Variants in ZNF248 observed in about 807,000 individuals in gnomAD.
The protein encoded by ZNF248 is KRAB protein domain.
A neutral mutation model predicts 44.3 loss-of-function variants in ZNF248; 20 were observed. That is an observed-to-expected ratio of 0.45 (90% CI 0.32 to 0.66). The LOEUF is 0.66. ZNF248 is among the 30% of genes least tolerant of loss of function. The pLI is 0.04. For synonymous variants in ZNF248, 224 were observed against 229.0 expected (o/e 0.98, Z 0.20); for missense variants, 654 against 677.0 (o/e 0.97, Z 0.38).
At chr10:37,778,699 A>C (rs1374893406) in intron 6 of ZNF248, among the ~76,000 whole-genome samples, 1 of 152,086 alleles carries the variant, frequency 6.6e-6, no homozygotes, top group Non-Finnish European at 1.5e-5. Context: ...ATTGAATTGA[A>C]ACCCTTCAAA....
rs2054904001 is a variant in ZNF248 at position 37,829,023 on chromosome 10, T to C, written c.*2592A>G. 1 of 985,348 alleles carries C rather than the reference T, an allele frequency of 1.0e-6. No individual in the cohort carries two copies. The highest frequency in any genetic ancestry group is 1.7e-5 in the African/African-American group (1 of 57,246). 61.0% of individuals were successfully genotyped at this position (985,348 alleles called of 1,614,324 possible). ...ACACTGAGCCTTCTACATAGGAATT[T>C]ACAGAAATGAATAACACTGTGCTGC... On this transcript the variant is annotated 3_prime_UTR_variant, in exon 6 of 6. Transcript: ENST00000395867.
Position 37,799,986 on chromosome 10 carries a change from T to C in ZNF248, c.331-23411A>G, listed in dbSNP as rs186347438. Among the ~76,000 whole-genome samples, 416 of 152,126 alleles carry C rather than the reference T, an allele frequency of 2.7e-3. 1 individual carries two copies. The highest frequency in any genetic ancestry group is 3.6e-3 in the Non-Finnish European group (248 of 67,996). ...ACTTTGGGAGGCTGAGGTAGGAGGA[T>C]TGCTTGAGCCCAAGAGTTCAAGACA... On this transcript the variant is annotated intron_variant, in intron 6 of 6. Coordinates refer to the ZNF248 transcript ENST00000615949.
At chr10:37,848,497 C>A (rs943690831) in intron 3 of ZNF248, among the ~76,000 whole-genome samples, 1 of 151,494 alleles carries the variant, frequency 6.6e-6, no homozygotes, top group Non-Finnish European at 1.5e-5. Context: ...GCAGGAGAAT[C>A]GCTTGAACCC....
intron 6 of ZNF248, chr10:37,819,801 G>A (rs1051565974): frequency 2.6e-6 from 2 of 784,000 alleles, no homozygotes; most frequent in African/African-American, 1.7e-5. Context: ...GGAGGGTCCT[G>A]ACCCATGGCA....
intron 6 of ZNF248, among the ~76,000 whole-genome samples, chr10:37,792,408 C>T (rs564530408): frequency 6.6e-6 from 1 of 152,168 alleles, no homozygotes; most frequent in Admixed American, 6.5e-5. Flanking sequence ...AAAGAACAAA[C>T]CTTCCTTTTG....
At chr10:37,789,267 TGTTAA>T (rs2048238591) in intron 6 of ZNF248, among the ~76,000 whole-genome samples, 1 of 151,058 alleles carries the variant, frequency 6.6e-6, no homozygotes, top group Non-Finnish European at 1.5e-5. Context: ...AGTGGATGAA[TGTTAA>T]GTTACATAAA....
intron 6 of ZNF248, among the ~76,000 whole-genome samples, chr10:37,807,055 C>T (rs2050679358): frequency 6.6e-6 from 1 of 151,912 alleles, no homozygotes; most frequent in South Asian, 2.1e-4. Flanking sequence ...CCGGTCTCTG[C>T]TCACTGCAAA....
chr10:37,799,377 A>G (rs189630975), intron 6 of ZNF248, among the ~76,000 whole-genome samples: 1 of 152,248 alleles, frequency 6.6e-6, no homozygotes, highest in East Asian at 1.9e-4. Flanking sequence ...TGGCCAACAC[A>G]GTGATACCCC....
intron 6 of ZNF248, among the ~76,000 whole-genome samples, chr10:37,800,614 T>C (rs767463004): frequency 6.6e-5 from 10 of 152,238 alleles, no homozygotes; most frequent in Admixed American, 1.3e-4. Context: ...GAATGACTTA[T>C]ATTCCTTTGG....
chr10:37,778,633 G>A (rs574211158), intron 6 of ZNF248, among the ~76,000 whole-genome samples: 15 of 152,082 alleles, frequency 9.9e-5, no homozygotes, highest in Admixed American at 4.6e-4. Flanking sequence ...GTAAAGCCTA[G>A]GTTTTCTTCT....
intron 6 of ZNF248, among the ~76,000 whole-genome samples, chr10:37,798,185 T>C (rs1397929439): frequency 6.6e-6 from 1 of 152,140 alleles, no homozygotes; most frequent in Non-Finnish European, 1.5e-5. Context: ...TTGAAAATAT[T>C]ATGCTAAGTG....
At chr10:37,780,044 T>A (rs1377419507) in intron 6 of ZNF248, among the ~76,000 whole-genome samples, 1 of 150,152 alleles carries the variant, frequency 6.7e-6, no homozygotes, top group Non-Finnish European at 1.5e-5. Context: ...GAACATTCCA[T>A]GCTCATGGGT....
At chr10:37,759,346 C>T in the ZNF248 span, among the ~76,000 whole-genome samples, 2 of 152,140 alleles carry the variant, frequency 1.3e-5, no homozygotes, top group Non-Finnish European at 2.9e-5. Flanking sequence ...CCAACACACT[C>T]CCCAGAAACA....
chr10:37,764,265 G>A, the ZNF248 span, among the ~76,000 whole-genome samples: 6 of 152,106 alleles, frequency 3.9e-5, no homozygotes, highest in African/African-American at 4.8e-5. Context: ...AATAAGCCCC[G>A]GTCTCCCGTA....
intron 6 of ZNF248, chr10:37,819,847 A>G (rs1056461202): frequency 3.8e-6 from 3 of 786,086 alleles, no homozygotes; most frequent in African/African-American, 1.7e-5. Flanking sequence ...TCCGTTGTCT[A>G]TCTCTTCCCT....
chr10:37,792,869 A>C (rs1451529990), intron 6 of ZNF248, among the ~76,000 whole-genome samples: 1 of 152,150 alleles, frequency 6.6e-6, no homozygotes, highest in African/African-American at 2.4e-5. Context: ...CTACAGAAAA[A>C]CACCATTAAC....
chr10:37,803,016 G>A (rs1163085899), intron 6 of ZNF248: 1 of 152,054 alleles, frequency 6.6e-6, no homozygotes, highest in Non-Finnish European at 1.5e-5. Flanking sequence ...TAGAGACCGG[G>A]TCTCACTATG....
intron 6 of ZNF248, among the ~76,000 whole-genome samples, chr10:37,780,892 G>T (rs1411417818): frequency 6.6e-6 from 1 of 152,142 alleles, no homozygotes; most frequent in African/African-American, 2.4e-5. Context: ...AAGGTTCCGG[G>T]GCGTCTCTGC....
intron 6 of ZNF248, among the ~76,000 whole-genome samples, chr10:37,789,489 C>A (rs1280373629): frequency 6.6e-6 from 1 of 152,118 alleles, no homozygotes; most frequent in Non-Finnish European, 1.5e-5. Flanking sequence ...AAGCCATTTT[C>A]AGAAGTGTCT....
Sources: gnomAD v4.1 joint callset for allele counts (sites outside exome capture counted in the v4.1 genomes callset) on GRCh38, gnomAD v4.1.1 for gene constraint, MANE v1.5 for transcripts, NCBI Gene and HGNC (gene_info 2026-07-23, HGNC 2026-07-21) for gene names.